TTLL5: variants seen among roughly 807,000 people sequenced by gnomAD.
TTLL5 encodes tubulin tyrosine ligase like 5.
Under a neutral mutation model 168.4 loss-of-function variants are expected in TTLL5, and 132 were observed. That is an observed-to-expected ratio of 0.78 (90% CI 0.68 to 0.91). TTLL5 has a LOEUF of 0.91. Ranked by LOEUF, TTLL5 falls within the 40% of genes least tolerant of loss-of-function variation. The probability of loss-of-function intolerance (pLI) is 0.00; values close to 1 mark genes in which losing one functional copy is unlikely to be tolerated. For missense variants in TTLL5, 1,545 were observed against 1,581.5 expected (o/e 0.98, Z 0.39); for synonymous variants, 546 against 558.6 (o/e 0.98, Z 0.32).
At chr14:75,832,831 A>C (rs1895651366) in intron 28 of TTLL5, among the ~76,000 whole-genome samples, 1 of 152,196 alleles carries the variant, frequency 6.6e-6, no homozygotes, top group Non-Finnish European at 1.5e-5. Context: ...ACTGTCTGTC[A>C]TCGCTTCTCT....
At chr14:75,708,361 C>CT (rs199967122) in intron 9 of TTLL5, among the ~76,000 whole-genome samples, 1,830 of 150,724 alleles carry the variant, frequency 0.012, 32 homozygotes, top group African/African-American at 0.041. Context: ...TGTTAAGGTG[C>CT]TTTTTTTTGT....
chr14:75,839,758 T>C (rs1376524982), intron 28 of TTLL5, among the ~76,000 whole-genome samples: 1 of 152,200 alleles, frequency 6.6e-6, no homozygotes, highest in Non-Finnish European at 1.5e-5. Context: ...CCAAATCATA[T>C]CACCATCCTA....
intron 18 of TTLL5, chr14:75,758,000 C>A: frequency 1.0e-6 from 1 of 956,418 alleles, no homozygotes. Context: ...AAAATTTTTT[C>A]TATTGAAAAA....
At chr14:75,680,847 G>A (rs970280184) in intron 3 of TTLL5, among the ~76,000 whole-genome samples, 2 of 151,782 alleles carry the variant, frequency 1.3e-5, no homozygotes, top group East Asian at 3.9e-4. Flanking sequence ...GGCTGGTCTC[G>A]AATTCCTGAC....
chr14:75,689,976 G>A (rs760369388), intron 5 of TTLL5: 96 of 468,570 alleles, frequency 2.0e-4, no homozygotes, highest in Non-Finnish European at 3.1e-4. Flanking sequence ...AAATTTTACT[G>A]TATGGAGATT....
chr14:75,875,702 G>A (rs767873652), intron 29 of TTLL5, among the ~76,000 whole-genome samples: 9 of 152,082 alleles, frequency 5.9e-5, no homozygotes, highest in South Asian at 4.1e-4. Flanking sequence ...CTAGGTCTAC[G>A]TTTATAGATA....
chr14:75,874,823 C>CGTGTGTGT (rs141459797), intron 29 of TTLL5, among the ~76,000 whole-genome samples: 2 of 148,282 alleles, frequency 1.3e-5, no homozygotes, highest in South Asian at 4.5e-4. Context: ...TGTATATATG[C>CGTGTGTGT]GTGTGTGTGT....
chr14:75,865,726 T>C (rs1295278342), intron 29 of TTLL5, among the ~76,000 whole-genome samples: 1 of 152,200 alleles, frequency 6.6e-6, no homozygotes, highest in African/African-American at 2.4e-5. Context: ...CCTTTGAAAA[T>C]TCAAAGTACT....
intron 31 of TTLL5, among the ~76,000 whole-genome samples, chr14:75,921,861 A>G (rs1407565209): frequency 6.6e-6 from 1 of 152,240 alleles, no homozygotes; most frequent in African/African-American, 2.4e-5. Context: ...ATCCATGAGC[A>G]TGGAATGTTC....
intron 30 of TTLL5, among the ~76,000 whole-genome samples, chr14:75,900,976 C>A (rs4903351): frequency 0.088 from 13,385 of 152,208 alleles, 880 homozygotes; most frequent in East Asian, 0.38. Context: ...GTGTGAATGA[C>A]TGACTGGAAA....
At chr14:75,904,215 AAG>A (rs1213632215) in intron 31 of TTLL5, 6 of 1,202,392 alleles carry the variant, frequency 5.0e-6, no homozygotes, top group East Asian at 6.1e-5. Context: ...AAAAAAAAAA[AAG>A]GAAAGAAAAA....
In TTLL5 at chr14:75,719,834, C is replaced by T; in HGVS notation, c.934+8C>T. ...AAGGCAGAGATACAACCGGTGAGTACTGGGCCTTTTTCCTTCTTGACTTCT... is the reference window on the plus strand; with the variant it reads ...AAGGCAGAGATACAACCGGTGAGTATTGGGCCTTTTTCCTTCTTGACTTCT... On this transcript the variant is annotated splice_region_variant and intron_variant, in intron 11 of 31. Transcript: ENST00000298832. The T allele has an allele frequency of 6.2e-7, 1 of 1,613,212 alleles. No individual in the cohort carries two copies. Among genetic ancestry groups the T allele is most frequent in the South Asian group, 1.1e-5 (1 of 91,058 alleles).
At chr14:75,915,332 A>G (rs2033577726) in intron 31 of TTLL5, among the ~76,000 whole-genome samples, 1 of 152,198 alleles carries the variant, frequency 6.6e-6, no homozygotes, top group African/African-American at 2.4e-5. Flanking sequence ...TACACTTTAA[A>G]TGTGCACAGT....
chr14:75,707,841 C>G, intron 9 of TTLL5, 134 bp downstream of exon 9: 1 of 746,032 alleles, frequency 1.3e-6, no homozygotes, highest in Non-Finnish European at 2.2e-6. Context: ...CAGATGCAAT[C>G]CACCTCCTCA....
At chr14:75,830,247 A>G (rs1165161699) in intron 28 of TTLL5, among the ~76,000 whole-genome samples, 2 of 152,174 alleles carry the variant, frequency 1.3e-5, no homozygotes, top group African/African-American at 2.4e-5. Flanking sequence ...CAAAAACAAA[A>G]ATTGTGGCCT....
intron 6 of TTLL5, among the ~76,000 whole-genome samples, chr14:75,694,214 A>G (rs977893290): frequency 1.3e-5 from 2 of 152,244 alleles, no homozygotes; most frequent in African/African-American, 4.8e-5. Context: ...CCTGTAAAAG[A>G]GAACAATCCT....
rs982101165 is a variant in TTLL5 at position 75,793,116 on chromosome 14, G to C, written c.3171+16G>C. 1 of 1,572,854 alleles carries C rather than the reference G, an allele frequency of 6.4e-7. No homozygotes were observed. The highest frequency in any genetic ancestry group is 2.3e-5 in the East Asian group (1 of 44,278). ...CACCCAACAGGTACGGATGGTCTGG[G>C]GTGTCCAAGAGCTCTTTGGACCTGA... On this transcript the variant is annotated intron_variant, in intron 27 of 31. Transcript: ENST00000298832.
At chr14:75,724,816 A>G (rs1460163914) in intron 12 of TTLL5, among the ~76,000 whole-genome samples, 1 of 152,228 alleles carries the variant, frequency 6.6e-6, no homozygotes, top group African/African-American at 2.4e-5. Flanking sequence ...ATGTGAAATA[A>G]TATGCTTAAA....
chr14:75,932,013 A>G (rs1022219402), intron 31 of TTLL5, among the ~76,000 whole-genome samples: 2 of 152,254 alleles, frequency 1.3e-5, no homozygotes, highest in Non-Finnish European at 2.9e-5. Flanking sequence ...GTAGGTATTC[A>G]ATACATAAAT....
Sources: allele counts gnomAD v4.1 joint callset (sites outside exome capture counted in the v4.1 genomes callset), GRCh38; gene constraint gnomAD v4.1.1; transcripts MANE v1.5; gene names NCBI Gene and HGNC (gene_info 2026-07-23, HGNC 2026-07-21).